NF2: variants seen among roughly 807,000 people sequenced by gnomAD.
NF2 encodes the protein NF2, moesin-ezrin-radixin like (MERLIN) tumor suppressor, also known as merlin.
Under a neutral mutation model 83.7 loss-of-function variants are expected in NF2, and 8 were observed. That is an observed-to-expected ratio of 0.10 (90% CI 0.06 to 0.17). The LOEUF (loss-of-function observed/expected upper bound fraction) is 0.17, where lower values mean the gene tolerates loss of function less well. Among genes scored for constraint, NF2 ranks in the 10% least tolerant of loss-of-function variants. The pLI, the probability that NF2 is intolerant of heterozygous loss-of-function variation, is 1.00. For missense variants in NF2, 533 were observed against 744.4 expected (o/e 0.72, Z 3.31); for synonymous variants, 266 against 269.6 (o/e 0.99, Z 0.13).
rs1407304929 is a variant in NF2, at chr22:29,678,304, A to G, written c.1555A>G (p.Met519Val). 3.1e-6 allele frequency: 5 copies of G among 1,613,868 alleles called. No individual in the cohort carries two copies. In the South Asian group the frequency reaches 3.3e-5, roughly 11 times the overall value. Reference protein sequence around the residue: ...FKDTDMKRLSMEIEKEKVEYM... With the variant: ...FKDTDMKRLSVEIEKEKVEYM... Reference sequence around the variant, plus strand: ...AGATACTGACATGAAGCGGCTTTCCATGGAGATAGAGAAAGAAAAGTATGT... The same window carrying G: ...AGATACTGACATGAAGCGGCTTTCCGTGGAGATAGAGAAAGAAAAGTATGT... Residue 519 changes from methionine to valine, a missense_variant, in exon 14 of 16, where the codon ATG becomes GTG. Physicochemically the swap from Met to Val is conservative, Grantham distance 21. Transcript: ENST00000338641.
intron 1 of NF2, among the ~76,000 whole-genome samples, chr22:29,628,888 C>T (rs1028317624): frequency 6.6e-6 from 1 of 152,122 alleles, no homozygotes; most frequent in East Asian, 1.9e-4. Flanking sequence ...GTCTCGGCCT[C>T]CCAAAGTGCT....
chr22:29,627,249 TTGA>T (rs1171444940), intron 1 of NF2, among the ~76,000 whole-genome samples: 1 of 152,190 alleles, frequency 6.6e-6, no homozygotes, highest in Non-Finnish European at 1.5e-5. Context: ...TGAAGACCAC[TTGA>T]TGATTATGGA....
At chr22:29,679,468 G>T (rs928687053) in intron 14 of NF2, among the ~76,000 whole-genome samples, 2 of 152,232 alleles carry the variant, frequency 1.3e-5, no homozygotes, top group African/African-American at 4.8e-5. Context: ...TCAGGGTGAA[G>T]CTGTTCTGTG....
intron 15 of NF2, among the ~76,000 whole-genome samples, chr22:29,687,740 G>A (rs1426234708): frequency 1.3e-5 from 2 of 152,212 alleles, no homozygotes; most frequent in African/African-American, 2.4e-5. Flanking sequence ...CCCCAGCCCT[G>A]AACCTTCCCT....
Position 29,697,214 on chromosome 22 carries a change from A to T in NF2, c.*2412A>T. ...TTTAACAATGGCTGCAGGTGGGAGC[A>T]TATGGTGGTTTATAAAAACGCTGTC... On this transcript the variant is annotated 3_prime_UTR_variant, in exon 16 of 16. Coordinates refer to ENST00000338641, the MANE Select transcript of NF2 (RefSeq NM_000268.4). The T allele has an allele frequency of 4.9e-6, 1 of 203,528 alleles. No homozygotes were observed. Among genetic ancestry groups the T allele is most frequent in the Non-Finnish European group, 1.0e-5 (1 of 98,874 alleles). 12.6% of individuals were successfully genotyped at this position (203,528 alleles called of 1,614,324 possible).
At chr22:29,678,448 G>C in intron 14 of NF2, 125 bp downstream of exon 14, 1 of 1,142,574 alleles carries the variant, frequency 8.8e-7, no homozygotes, top group Non-Finnish European at 1.3e-6. Context: ...GCAAAGGTTT[G>C]CTCTGCTCTT....
At chr22:29,643,908 C>T (rs2065889060) in intron 4 of NF2, among the ~76,000 whole-genome samples, 1 of 150,386 alleles carries the variant, frequency 6.6e-6, no homozygotes, top group African/African-American at 2.4e-5. Context: ...GGGCGGCTGG[C>T]CGGGCGGGGG....
intron 9 of NF2, 74 bp downstream of exon 9, chr22:29,665,138 T>C: frequency 8.9e-7 from 1 of 1,126,604 alleles, no homozygotes; most frequent in Non-Finnish European, 1.3e-6. Context: ...TTTTAAAGGA[T>C]ATCAGAGTGA....
At chr22:29,616,509 C>T (rs1489906027) in intron 1 of NF2, among the ~76,000 whole-genome samples, 1 of 152,140 alleles carries the variant, frequency 6.6e-6, no homozygotes, top group African/African-American at 2.4e-5. Flanking sequence ...CTTCGGGAGG[C>T]CGAGGTGGAC....
intron 6 of NF2, among the ~76,000 whole-genome samples, chr22:29,657,032 A>T: frequency 6.6e-6 from 1 of 151,146 alleles, no homozygotes; most frequent in African/African-American, 2.4e-5. Context: ...TTTTTTTTAA[A>T]CTTAAGTGCA....
Position 29,636,925 on chromosome 22 carries a change from G to GT in NF2, c.240+54dup. 6.2e-7 allele frequency: 1 copy of GT among 1,613,014 alleles called. No individual in the cohort carries two copies. The highest frequency in any genetic ancestry group is 8.5e-7 in the Non-Finnish European group (1 of 1,180,004). On this transcript the variant is annotated intron_variant, in intron 2 of 15. Transcript: ENST00000338641. This position sits in a 1 kb window ranked among gnomAD's most constrained non-coding sequence, Gnocchi z 4.4. ...TGGTGGGGCTGACGTGAGCTTTCCA[G>GT]TTTTTCCCTGAGCAGGCGCCTAGCT... is the stretch of plus-strand genomic sequence containing the variant.
intron 1 of NF2, among the ~76,000 whole-genome samples, chr22:29,625,084 G>T (rs1397160819): frequency 6.6e-6 from 1 of 151,662 alleles, no homozygotes; most frequent in Non-Finnish European, 1.5e-5. Flanking sequence ...GACTACAGGC[G>T]TGCGCCACTA....
chr22:29,617,261 G>A (rs1048883528), intron 1 of NF2, among the ~76,000 whole-genome samples: 6 of 152,046 alleles, frequency 3.9e-5, no homozygotes, highest in East Asian at 3.9e-4. Context: ...TTTTTCAGCC[G>A]CAATTTTGCC....
intron 15 of NF2, among the ~76,000 whole-genome samples, chr22:29,686,246 C>T (rs763407422): frequency 6.6e-6 from 1 of 152,342 alleles, no homozygotes; most frequent in Non-Finnish European, 1.5e-5. Context: ...GGGCGAAGGA[C>T]GGCATGTGGG....
At chr22:29,615,855 C>T (rs2065069160) in intron 1 of NF2, among the ~76,000 whole-genome samples, 4 of 152,156 alleles carry the variant, frequency 2.6e-5, no homozygotes, top group African/African-American at 7.2e-5. Context: ...CATAGCTTTA[C>T]GAGAAAAACT....
At chr22:29,652,996 C>G (rs1426336778) in intron 4 of NF2, among the ~76,000 whole-genome samples, 1 of 152,186 alleles carries the variant, frequency 6.6e-6, no homozygotes, top group African/African-American at 2.4e-5. Context: ...TCACAGCTCA[C>G]TGTAGCCTTA....
At chr22:29,657,004 A>G (rs1344216275) in intron 6 of NF2, among the ~76,000 whole-genome samples, 1 of 151,918 alleles carries the variant, frequency 6.6e-6, no homozygotes, top group African/African-American at 2.4e-5. Context: ...TCTTCTTCAA[A>G]TCAGTTTCCT....
chr22:29,611,836 A>G (rs1186342699), intron 1 of NF2, among the ~76,000 whole-genome samples: 1 of 152,216 alleles, frequency 6.6e-6, no homozygotes, highest in African/African-American at 2.4e-5. Context: ...AAATGTATCC[A>G]CTTGGAATGA....
intron 1 of NF2, among the ~76,000 whole-genome samples, chr22:29,605,151 ATTTTTTTTTT>A (rs34646924): frequency 9.8e-6 from 1 of 101,894 alleles, no homozygotes; most frequent in Admixed American, 1.1e-4. Flanking sequence ...CACCTGGCTA[ATTTTTTTTTT>A]TTTTTTTTTT....
Sources: gnomAD v4.1 joint callset for allele counts (sites outside exome capture counted in the v4.1 genomes callset) on GRCh38, gnomAD v4.1.1 for gene constraint, Gnocchi (gnomAD v3.1) non-coding constraint, MANE v1.5 for transcripts, NCBI Gene and HGNC (gene_info 2026-07-23, HGNC 2026-07-21) for gene names.